The following KANSL3 variants were observed in gnomAD, a reference collection of about 807,000 sequenced individuals.
KANSL3 encodes NSL complex protein NSL3.
Under a neutral mutation model 89.2 loss-of-function variants are expected in KANSL3, and 16 were observed. That is an observed-to-expected ratio of 0.18 (90% CI 0.12 to 0.27). The LOEUF is 0.27. KANSL3 is among the 10% of genes least tolerant of loss of function. KANSL3 has a pLI of 1.00. For synonymous variants in KANSL3, 385 were observed against 419.7 expected, an observed-to-expected ratio of 0.92 and a Z score of 1.01; for missense variants, 879 against 1,110.6, an observed-to-expected ratio of 0.79 and a Z score of 2.96.
At chr2:96,609,351 A>AT (rs1287017560) in intron 12 of KANSL3, 148 bp downstream of exon 12, 7 of 755,646 alleles carry the variant, frequency 9.3e-6, no homozygotes, top group Non-Finnish European at 1.6e-5. Context: ...CACCACTCTC[A>AT]TTTTTCTTTT....
intron 3 of KANSL3, among the ~76,000 whole-genome samples, chr2:96,630,961 A>C (rs1248231776): frequency 6.6e-6 from 1 of 152,202 alleles, no homozygotes; most frequent in Admixed American, 6.5e-5. Context: ...TGTACATTTC[A>C]TTTTTTTGCA....
At chr2:96,624,502 CAT>C (rs907683759) in intron 3 of KANSL3, among the ~76,000 whole-genome samples, 1 of 152,130 alleles carries the variant, frequency 6.6e-6, no homozygotes, top group Middle Eastern at 3.2e-3. Context: ...TATATACATA[CAT>C]ATCTATCTAT....
At chr2:96,611,221 C>A in intron 9 of KANSL3, 83 bp from the exon 10 acceptor site, 1 of 1,105,836 alleles carries the variant, frequency 9.0e-7, no homozygotes, top group Non-Finnish European at 1.4e-6. Flanking sequence ...GTGGTCCAGA[C>A]CCACCAGACA....
intron 19 of KANSL3, 164 bp from the exon 20 acceptor site, chr2:96,601,940 C>A: frequency 8.0e-7 from 1 of 1,247,802 alleles, no homozygotes; most frequent in South Asian, 1.6e-5. Flanking sequence ...CAACAGGAAA[C>A]AGCCTGTGTT....
chr2:96,623,517 T>C (rs901864853), intron 3 of KANSL3, among the ~76,000 whole-genome samples: 3 of 152,196 alleles, frequency 2.0e-5, no homozygotes. Flanking sequence ...TGTACAACTA[T>C]CTAAATGTCC....
At chr2:96,595,722 G>C in intron 20 of KANSL3, 91 bp from the exon 21 acceptor site, 1 of 1,385,954 alleles carries the variant, frequency 7.2e-7, no homozygotes, top group African/African-American at 1.4e-5. Flanking sequence ...CAACTCCTGA[G>C]AATTTATTTT....
intron 2 of KANSL3, among the ~76,000 whole-genome samples, chr2:96,632,302 AAAAC>A (rs1296805235): frequency 6.6e-6 from 1 of 152,156 alleles, no homozygotes; most frequent in African/African-American, 2.4e-5. Flanking sequence ...CCCCGTCTCT[AAAAC>A]AAACACAAAA....
At chr2:96,617,598 T>C (rs920959668) in intron 5 of KANSL3, among the ~76,000 whole-genome samples, 2 of 150,882 alleles carry the variant, frequency 1.3e-5, no homozygotes, top group Non-Finnish European at 2.9e-5. Flanking sequence ...ATCATGCTTA[T>C]GCCTGTAATC....
At chr2:96,587,247 C>G in the KANSL3 span, among the ~76,000 whole-genome samples, 3 of 152,246 alleles carry the variant, frequency 2.0e-5, no homozygotes, top group Admixed American at 2.0e-4. Flanking sequence ...AATCTACCCA[C>G]CTGGCAATAA....
At chr2:96,603,147 T>C (rs1249372741) in intron 17 of KANSL3, among the ~76,000 whole-genome samples, 1 of 151,584 alleles carries the variant, frequency 6.6e-6, no homozygotes, top group African/African-American at 2.5e-5. Flanking sequence ...AGTTTGTTCC[T>C]TTCTTTCCAG....
chr2:96,591,812 C>T (rs1401400109), downstream of KANSL3, among the ~76,000 whole-genome samples: 6 of 151,848 alleles, frequency 4.0e-5, no homozygotes, highest in African/African-American at 1.5e-4. Flanking sequence ...ACAATAGGAT[C>T]AAAACTGGAT....
At chr2:96,614,199 T>G (rs1418365527) in intron 5 of KANSL3, among the ~76,000 whole-genome samples, 2 of 152,144 alleles carry the variant, frequency 1.3e-5, no homozygotes, top group Non-Finnish European at 2.9e-5. Flanking sequence ...TCAAGCGATT[T>G]CTTGTTTCTC....
chr2:96,600,886 A>C (rs751312437), intron 20 of KANSL3: 1 of 985,338 alleles, frequency 1.0e-6, no homozygotes, highest in African/African-American at 1.7e-5. Flanking sequence ...CCAATGTCAA[A>C]GAAAGAGTAT....
chr2:96,609,950 CAAAAAAAAAAAAAAAAA>C (rs35175492), intron 11 of KANSL3, among the ~76,000 whole-genome samples: 5 of 21,614 alleles, frequency 2.3e-4, no homozygotes, highest in Admixed American at 9.5e-4. Context: ...GGCGCCACCT[CAAAAAAAAAAAAAAAAA>C]AAAAAAAAAA....
chr2:96,615,386 C>T (rs1323829763), intron 5 of KANSL3: 2 of 404,396 alleles, frequency 4.9e-6, no homozygotes, highest in East Asian at 1.6e-4. Flanking sequence ...ATATATCCTG[C>T]TATACTATAT....
chr2:96,612,141 T>C (rs2069118282), intron 9 of KANSL3, 141 bp downstream of exon 9: 7 of 647,406 alleles, frequency 1.1e-5, no homozygotes, highest in Admixed American at 3.0e-5. Flanking sequence ...TTAATAAAAT[T>C]TGTCTTCTAC....
chr2:96,605,214 T>C, intron 15 of KANSL3, 106 bp downstream of exon 15: 1 of 1,006,900 alleles, frequency 9.9e-7, no homozygotes, highest in Non-Finnish European at 1.5e-6. Context: ...TCCGGGCATC[T>C]CTCAAAATAA....
intron 3 of KANSL3, among the ~76,000 whole-genome samples, chr2:96,630,578 A>G (rs1395748273): frequency 6.6e-6 from 1 of 152,230 alleles, no homozygotes; most frequent in Non-Finnish European, 1.5e-5. Context: ...TAGGATGATG[A>G]AAATGTTTAT....
intron 20 of KANSL3, chr2:96,598,140 G>A: frequency 1.0e-6 from 1 of 985,384 alleles, no homozygotes; most frequent in Middle Eastern, 5.2e-4. Context: ...CATCAACATG[G>A]CATCAGCAAA....
Sources: gnomAD v4.1 joint callset for allele counts (sites outside exome capture counted in the v4.1 genomes callset) on GRCh38, gnomAD v4.1.1 for gene constraint, MANE v1.5 for transcripts, NCBI Gene and HGNC (gene_info 2026-07-23, HGNC 2026-07-21) for gene names.